TENM2: variants seen among roughly 807,000 people sequenced by gnomAD.
TENM2 encodes teneurin-2.
Under a neutral mutation model 245.2 loss-of-function variants are expected in TENM2, and 52 were observed. The ratio of observed to expected loss-of-function variants is 0.21; its 90% CI spans 0.17 to 0.27. The LOEUF (loss-of-function observed/expected upper bound fraction) is 0.27, where lower values mean the gene tolerates loss of function less well. Ranked by LOEUF, TENM2 falls within the 10% of genes least tolerant of loss-of-function variation. The probability of loss-of-function intolerance (pLI) is 1.00; values close to 1 mark genes in which losing one functional copy is unlikely to be tolerated. For missense variants in TENM2, 3,046 were observed against 3,666.8 expected, an observed-to-expected ratio of 0.83 and a Z score of 4.37; for synonymous variants, 1,363 against 1,438.9, an observed-to-expected ratio of 0.95 and a Z score of 1.19.
chr5:167,703,084 A>G (rs1428757652), intron 2 of TENM2, among the ~76,000 whole-genome samples: 1 of 152,152 alleles, frequency 6.6e-6, no homozygotes, highest in Non-Finnish European at 1.5e-5. Flanking sequence ...AGGCAGAGGC[A>G]CTCATACCTA....
chr5:168,186,372 A>G (rs542589537), intron 13 of TENM2: 18 of 152,326 alleles, frequency 1.2e-4, no homozygotes, highest in African/African-American at 4.3e-4. Context: ...AAGTTTCTCC[A>G]TGATCACATT....
chr5:167,091,136 A>G, the TENM2 span, among the ~76,000 whole-genome samples: 1 of 152,172 alleles, frequency 6.6e-6, no homozygotes, highest in Non-Finnish European at 1.5e-5. Context: ...TTTTTAAATA[A>G]GAAAATACAG....
chr5:167,927,915 A>T (rs1018032945), intron 3 of TENM2, among the ~76,000 whole-genome samples: 1 of 152,210 alleles, frequency 6.6e-6, no homozygotes, highest in Admixed American at 6.5e-5. Flanking sequence ...TGATGTTCTG[A>T]AATACATATG....
chr5:167,921,606 G>C (rs1418905536), intron 3 of TENM2, among the ~76,000 whole-genome samples: 1 of 152,094 alleles, frequency 6.6e-6, no homozygotes, highest in Admixed American at 6.5e-5. Flanking sequence ...AAGACCCCCA[G>C]GTGGTACATA....
At chr5:167,683,490 TTATATAAA>T (rs1756875304) in intron 2 of TENM2, among the ~76,000 whole-genome samples, 1 of 152,216 alleles carries the variant, frequency 6.6e-6, no homozygotes, top group African/African-American at 2.4e-5. Context: ...TTTGTTGTTG[TTATATAAA>T]TACCTGGTTG....
intron 5 of TENM2, among the ~76,000 whole-genome samples, chr5:168,028,834 A>T (rs997715259): frequency 6.7e-6 from 1 of 149,934 alleles, no homozygotes; most frequent in African/African-American, 2.5e-5. Flanking sequence ...TTGTGACCTC[A>T]GCTGAGCCAA....
At chr5:167,166,235 A>G in the TENM2 span, among the ~76,000 whole-genome samples, 1 of 152,222 alleles carries the variant, frequency 6.6e-6, no homozygotes, top group Non-Finnish European at 1.5e-5. Context: ...ACACATCTGC[A>G]CACACCAAAC....
chr5:168,089,464 C>T (rs958504153), intron 7 of TENM2, among the ~76,000 whole-genome samples: 3 of 152,160 alleles, frequency 2.0e-5, no homozygotes, highest in Non-Finnish European at 4.4e-5. Context: ...TTAGAACAGG[C>T]CTCTCTTGGG....
At chr5:167,021,931 G>T in the TENM2 span, among the ~76,000 whole-genome samples, 1 of 152,092 alleles carries the variant, frequency 6.6e-6, no homozygotes, top group Non-Finnish European at 1.5e-5. Flanking sequence ...TAAGCAATTT[G>T]ATATAAAAGG....
Position 168,005,805 on chromosome 5 carries a change from G to A in TENM2, c.1186+12623G>A, listed in dbSNP as rs185028895. ...TTGTCATTCATATGATAGGCCAAGT[G>A]GGGTGCAGACCCTAATGACAGAGAG... is the stretch of plus-strand genomic sequence containing the variant. On this transcript the variant is annotated intron_variant, in intron 5 of 28. Transcript: ENST00000518659. 2.2e-3 allele frequency among the ~76,000 whole-genome samples: 338 copies of A among 152,340 alleles called. 1 individual carries two copies. The highest frequency in any genetic ancestry group is 7.8e-3 in the African/African-American group (325 of 41,586).
At chr5:167,431,701 A>G (rs1764230883) in intron 2 of TENM2, among the ~76,000 whole-genome samples, 1 of 151,904 alleles carries the variant, frequency 6.6e-6, no homozygotes, top group South Asian at 2.1e-4. Flanking sequence ...CCATGTACAT[A>G]TTAATCATAA....
At chr5:167,755,970 A>C (rs956492771) in intron 2 of TENM2, among the ~76,000 whole-genome samples, 7 of 152,152 alleles carry the variant, frequency 4.6e-5, no homozygotes, top group African/African-American at 1.7e-4. Context: ...AAGTATCTTC[A>C]CTGTATTATT....
chr5:167,109,838 C>T, the TENM2 span, among the ~76,000 whole-genome samples: 1 of 152,196 alleles, frequency 6.6e-6, no homozygotes, highest in Non-Finnish European at 1.5e-5. Context: ...CCATCCCTAT[C>T]TCAAGTGTGG....
At chr5:168,019,907 C>T (rs763543384) in intron 5 of TENM2, among the ~76,000 whole-genome samples, 3 of 152,218 alleles carry the variant, frequency 2.0e-5, no homozygotes, top group Non-Finnish European at 4.4e-5. Context: ...ATTGAAATGA[C>T]ATGTTTCACC....
intron 16 of TENM2, among the ~76,000 whole-genome samples, chr5:168,199,661 A>C (rs140549051): frequency 6.6e-6 from 1 of 152,222 alleles, no homozygotes; most frequent in African/African-American, 2.4e-5. Context: ...TCCAAAAATC[A>C]TAACCTCAGC....
chr5:167,460,842 C>T (rs1284482944), intron 2 of TENM2, among the ~76,000 whole-genome samples: 1 of 151,986 alleles, frequency 6.6e-6, no homozygotes. Flanking sequence ...TATTTTAATC[C>T]CTTTTGTTTT....
chr5:167,556,586 G>A (rs1264792517), intron 2 of TENM2, among the ~76,000 whole-genome samples: 4 of 152,080 alleles, frequency 2.6e-5, no homozygotes. Context: ...GGCACTTAAT[G>A]TCACCAAATA....
rs1795415534 is a variant in TENM2, at chr5:168,120,780, A to G, written c.2008+2294A>G. Among the ~76,000 whole-genome samples, 3 of 152,204 alleles carry G rather than the reference A, an allele frequency of 2.0e-5. No individual in the cohort carries two copies. In the South Asian group the frequency reaches 6.2e-4, roughly 31 times the overall value. ...ACTTTTTCTTCCATTTAGCTTTTTT[A>G]TTTCTGATATTCGTCATAGTCATAA... is the stretch of plus-strand genomic sequence containing the variant. On this transcript the variant is annotated intron_variant, in intron 10 of 28. Coordinates refer to ENST00000518659, the Ensembl canonical transcript of TENM2.
chr5:168,245,132 C>T (rs1054194012), intron 26 of TENM2, among the ~76,000 whole-genome samples: 6 of 150,470 alleles, frequency 4.0e-5, no homozygotes, highest in Non-Finnish European at 7.4e-5. Flanking sequence ...ATCTTTACTT[C>T]GACTCTACAA....
Sources: gnomAD v4.1 joint callset for allele counts (sites outside exome capture counted in the v4.1 genomes callset) on GRCh38, gnomAD v4.1.1 for gene constraint, MANE v1.5 for transcripts, NCBI Gene and HGNC (gene_info 2026-07-23, HGNC 2026-07-21) for gene names.